SLC25A16: variants seen among roughly 807,000 people sequenced by gnomAD.
The protein encoded by SLC25A16 is mitochondrial coenzyme A transporter SLC25A16.
A neutral mutation model predicts 41.5 loss-of-function variants in SLC25A16; 39 were observed. That is an observed-to-expected ratio of 0.94 (90% CI 0.73 to 1.23). SLC25A16 has a LOEUF of 1.23. Ranked by LOEUF, SLC25A16 falls within the 50% of genes most tolerant of loss-of-function variation. SLC25A16 has a pLI of 0.00. For missense variants in SLC25A16, 421 were observed against 426.9 expected (o/e 0.99, Z 0.12); for synonymous variants, 146 against 147.8 (o/e 0.99, Z 0.09).
intron 4 of SLC25A16, among the ~76,000 whole-genome samples, chr10:68,494,320 G>C (rs2052711593): frequency 7.2e-6 from 1 of 139,732 alleles, no homozygotes; most frequent in South Asian, 2.4e-4. Context: ...AAATTAGCTG[G>C]GTGTGGCGGC....
chr10:68,488,771 A>G, intron 6 of SLC25A16, 142 bp from the exon 7 acceptor site: 2 of 703,274 alleles, frequency 2.8e-6, no homozygotes, highest in Non-Finnish European at 4.6e-6. Context: ...TACATAAATA[A>G]CCTAAAGATG....
intron 1 of SLC25A16, among the ~76,000 whole-genome samples, chr10:68,525,097 ATT>A (rs2053315859): frequency 6.6e-6 from 1 of 151,976 alleles, no homozygotes. Context: ...GTCTTCAGAT[ATT>A]ATCTTTCTAC....
intron 6 of SLC25A16, among the ~76,000 whole-genome samples, chr10:68,489,567 C>G (rs1020572336): frequency 6.6e-6 from 1 of 151,962 alleles, no homozygotes; most frequent in Non-Finnish European, 1.5e-5. Context: ...ATATGAAATT[C>G]AAGCGTTCCT....
chr10:68,499,376 A>G (rs542188036), intron 4 of SLC25A16, among the ~76,000 whole-genome samples: 15 of 151,948 alleles, frequency 9.9e-5, no homozygotes, highest in African/African-American at 3.1e-4. Context: ...TTTTTTCTCT[A>G]CTCTTTATCT....
chr10:68,487,722 C>T, intron 7 of SLC25A16, among the ~76,000 whole-genome samples: 1 of 152,140 alleles, frequency 6.6e-6, no homozygotes, highest in East Asian at 1.9e-4. Context: ...AAAATCAACC[C>T]CAGTAGAGAA....
chr10:68,503,631 C>A lies in SLC25A16; in HGVS notation c.421+1G>T. ...AATAAAATATACCTAACTCCTCTTACCTGCCATGGATCCAGCCATTAATCT... is the reference window on the plus strand; with the variant it reads ...AATAAAATATACCTAACTCCTCTTAACTGCCATGGATCCAGCCATTAATCT... On this transcript the variant is annotated splice_donor_variant, in intron 4 of 8. Coordinates refer to ENST00000609923, the MANE Select transcript of SLC25A16 (RefSeq NM_152707.4). LOFTEE classifies it high-confidence loss of function. 1 of 1,577,874 alleles carries A rather than the reference C, an allele frequency of 6.3e-7. No homozygotes were observed. The highest frequency in any genetic ancestry group is 8.7e-7 in the Non-Finnish European group (1 of 1,152,968).
At chr10:68,511,247 A>G (rs1200508225) in intron 2 of SLC25A16, among the ~76,000 whole-genome samples, 3 of 152,214 alleles carry the variant, frequency 2.0e-5, no homozygotes, top group East Asian at 1.9e-4. Context: ...GTCTCAAAAA[A>G]GAAAAATTAA....
chr10:68,489,286 A>AAAACG (rs1564910679), intron 6 of SLC25A16, among the ~76,000 whole-genome samples: 1 of 152,150 alleles, frequency 6.6e-6, no homozygotes. Flanking sequence ...AAAACAAAAC[A>AAAACG]AAACAAAAAA....
At chr10:68,488,984 T>A (rs1030285428) in intron 6 of SLC25A16, among the ~76,000 whole-genome samples, 1 of 152,038 alleles carries the variant, frequency 6.6e-6, no homozygotes, top group African/African-American at 2.4e-5. Context: ...AAAATAACAA[T>A]GATGGCCGGG....
Position 68,527,335 on chromosome 10 carries a change from TCGGCCGCCGCCAGGGCTGCCG to T in SLC25A16, c.20_40del (p.Ala7_Ala13del), listed in dbSNP as rs771208162. The T allele has an allele frequency of 3.3e-6, 5 of 1,533,714 alleles. No individual in the cohort carries two copies. In the South Asian group the frequency reaches 3.6e-5, roughly 11 times the overall value. Reference sequence around the variant, plus strand: ...CGCCTGCGGCATTGCGGGAGGGGGATCGGCCGCCGCCAGGGCTGCCGCGGCCGTCGCCGCCGCCATCAGGAC... The same window carrying T: ...CGCCTGCGGCATTGCGGGAGGGGGATCGGCCGTCGCCGCCGCCATCAGGAC... On this transcript the variant is annotated inframe_deletion, in exon 1 of 9. Coordinates refer to ENST00000609923, the MANE Select transcript of SLC25A16 (RefSeq NM_152707.4).
At position 68,487,230 on chromosome 10, in the gene SLC25A16, C is replaced by G. The variant is rs369062319; in HGVS notation, c.774-18G>C. On this transcript the variant is annotated intron_variant, in intron 7 of 8. Coordinates refer to ENST00000609923, the MANE Select transcript of SLC25A16 (RefSeq NM_152707.4). ...ATGGGTAGCTAAAAGAAGAAAAAGGCATAAAGAATTAAAAATTTTTGGTTT... is the reference window on the plus strand; with the variant it reads ...ATGGGTAGCTAAAAGAAGAAAAAGGGATAAAGAATTAAAAATTTTTGGTTT... 1.5e-4 allele frequency: 240 copies of G among 1,608,826 alleles called. 1 individual carries two copies. The highest frequency in any genetic ancestry group is 1.3e-4 in the Non-Finnish European group (152 of 1,176,694).
chr10:68,489,371 T>C (rs1263431894), intron 6 of SLC25A16, among the ~76,000 whole-genome samples: 1 of 152,186 alleles, frequency 6.6e-6, no homozygotes, highest in Non-Finnish European at 1.5e-5. Flanking sequence ...ACTAAGTGTC[T>C]AAGTTTGTCT....
intron 2 of SLC25A16, among the ~76,000 whole-genome samples, chr10:68,513,873 C>A (rs766484747): frequency 1.6e-4 from 24 of 148,156 alleles, no homozygotes; most frequent in African/African-American, 5.1e-5. Context: ...GAGGAAGACT[C>A]CATCTCAGAA....
intron 2 of SLC25A16, among the ~76,000 whole-genome samples, chr10:68,508,093 T>G (rs973013192): frequency 7.9e-5 from 12 of 152,114 alleles, no homozygotes; most frequent in African/African-American, 2.6e-4. Flanking sequence ...TAGGCAGGCA[T>G]GGTGTCGTGC....
At chr10:68,487,268 C>T (rs2052580893) in intron 7 of SLC25A16, 56 bp from the exon 8 acceptor site, 1 of 1,190,286 alleles carries the variant, frequency 8.4e-7, no homozygotes, top group Non-Finnish European at 1.3e-6. Context: ...TACTCAACAA[C>T]TATTGAATAC....
At chr10:68,503,362 C>T (rs1042014860) in intron 4 of SLC25A16, 8 of 291,710 alleles carry the variant, frequency 2.7e-5, no homozygotes, top group African/African-American at 4.4e-5. Flanking sequence ...TTATCCTCTA[C>T]TGTAAAATGA....
chr10:68,496,496 T>G, intron 4 of SLC25A16: 1 of 984,924 alleles, frequency 1.0e-6, no homozygotes, highest in African/African-American at 1.7e-5. Flanking sequence ...CCAATACAAA[T>G]AGTAGAATAT....
intron 6 of SLC25A16, among the ~76,000 whole-genome samples, chr10:68,489,668 T>A (rs2133499415): frequency 6.6e-6 from 1 of 152,230 alleles, no homozygotes; most frequent in African/African-American, 2.4e-5. Flanking sequence ...TTTGGGAGGC[T>A]GAGGCAGGCA....
chr10:68,491,313 G>A (rs1041531411), intron 6 of SLC25A16, among the ~76,000 whole-genome samples: 23 of 151,426 alleles, frequency 1.5e-4, no homozygotes, highest in African/African-American at 5.1e-4. Flanking sequence ...TGCAACCTCC[G>A]CCTCCTGGGT....
Sources: allele counts gnomAD v4.1 joint callset (sites outside exome capture counted in the v4.1 genomes callset), GRCh38; gene constraint gnomAD v4.1.1; transcripts MANE v1.5; gene names NCBI Gene and HGNC (gene_info 2026-07-23, HGNC 2026-07-21).